The following SLBP variants were observed in gnomAD, a reference collection of about 807,000 sequenced individuals.
SLBP encodes the protein stem-loop histone mRNA binding protein.
Under a neutral mutation model 39.2 loss-of-function variants are expected in SLBP, and 29 were observed. The ratio of observed to expected loss-of-function variants is 0.74; its 90% CI spans 0.55 to 1.01. SLBP has a LOEUF of 1.01. Ranked by LOEUF, SLBP falls within the 50% of genes least tolerant of loss-of-function variation. SLBP has a pLI of 0.00. For missense variants in SLBP, 390 were observed against 350.2 expected (o/e 1.11, Z -0.91); for synonymous variants, 129 against 118.7 (o/e 1.09, Z -0.57).
chr4:1,699,267 T>C (rs902053838), intron 5 of SLBP, among the ~76,000 whole-genome samples: 4 of 152,202 alleles, frequency 2.6e-5, no homozygotes, highest in Non-Finnish European at 5.9e-5. Context: ...TTGAACTTCA[T>C]TTTTCCCCAT....
In SLBP at chr4:1,709,585, T is replaced by C. The variant is rs115582040; in HGVS notation, c.176+2289A>G. 3.2e-3 allele frequency among the ~76,000 whole-genome samples: 485 copies of C among 152,212 alleles called. 4 individuals are homozygous for C. The highest frequency in any genetic ancestry group is 0.011 in the African/African-American group (467 of 41,548). On this transcript the variant is annotated intron_variant, in intron 2 of 7. Transcript: ENST00000489418. Reference sequence around the variant, plus strand: ...TTACGCCTATGACGCCTGCCTCCCTTTCACTGTTTCACCCTGAACATCTAC... The same window carrying C: ...TTACGCCTATGACGCCTGCCTCCCTCTCACTGTTTCACCCTGAACATCTAC...
At position 1,711,880 on chromosome 4, in the gene SLBP, G is replaced by A. The variant is rs1313868566; in HGVS notation, c.170C>T (p.Pro57Leu). ...EAEHRGAERR[P>L]ESFTTPEGPK... ...CCCCGGGTCCCGCGCCCACCTCTCG[G>A]GTCTGCGCTCGGCGCCGCGGTGCTC... The change falls in exon 2 of 8, where the codon CCC becomes CTC. Residue 57 changes from proline to leucine, a missense_variant. Transcript: ENST00000489418. 3 of 1,351,840 alleles carry A rather than the reference G, an allele frequency of 2.2e-6. No individual in the cohort carries two copies. The highest frequency in any genetic ancestry group is 3.1e-5 in the African/African-American group (2 of 65,468). The allele number at this position is 1,351,840 out of a possible 1,614,324, so 83.7% of individuals were successfully genotyped here.
intron 5 of SLBP, among the ~76,000 whole-genome samples, chr4:1,697,084 G>C (rs1468721849): frequency 6.7e-6 from 1 of 149,806 alleles, no homozygotes; most frequent in Non-Finnish European, 1.5e-5. Flanking sequence ...CTTGAACCTG[G>C]GAGGCGATGG....
chr4:1,696,616 G>A, intron 5 of SLBP, among the ~76,000 whole-genome samples: 1 of 151,968 alleles, frequency 6.6e-6, no homozygotes, highest in East Asian at 1.9e-4. Flanking sequence ...AACAGCTAGG[G>A]GCTGGGAGCG....
At chr4:1,696,475 G>T in intron 5 of SLBP, 124 bp from the exon 6 acceptor site, 1 of 785,970 alleles carries the variant, frequency 1.3e-6, no homozygotes. Flanking sequence ...AGGCATGGTG[G>T]CTCATGCCTG....
intron 2 of SLBP, among the ~76,000 whole-genome samples, chr4:1,709,369 C>G (rs1716644393): frequency 1.3e-5 from 2 of 152,228 alleles, no homozygotes; most frequent in Admixed American, 6.5e-5. Flanking sequence ...TAATTGCCAT[C>G]ATGTTCCCAT....
chr4:1,709,317 G>C (rs1577188143), intron 2 of SLBP, among the ~76,000 whole-genome samples: 1 of 152,206 alleles, frequency 6.6e-6, no homozygotes, highest in East Asian at 1.9e-4. Context: ...GGCACAGTAA[G>C]TTGTGAAAAG....
rs755734611 is a variant in SLBP at position 1,696,297 on chromosome 4, A to G, written c.534T>C (p.Tyr178=). The G allele has an allele frequency of 2.8e-5, 45 of 1,601,890 alleles. No individual in the cohort carries two copies. The highest frequency in any genetic ancestry group is 3.7e-5 in the Non-Finnish European group (43 of 1,174,936). Reference sequence around the variant, plus strand: ...TTTGCTGGTCCCATGAACGTCGACTATACTTCTTAAATTTATTAGGGGTCT... The same window carrying G: ...TTTGCTGGTCCCATGAACGTCGACTGTACTTCTTAAATTTATTAGGGGTCT... ...HPKTPNKFKK[Y]SRRSWDQQIK... The change falls in exon 6 of 8, where the codon TAT becomes TAC. Residue 178 remains tyrosine (Y), a synonymous_variant. Transcript: ENST00000489418.
At position 1,703,704 on chromosome 4, in the gene SLBP, C is replaced by A. The variant is rs1716415959; in HGVS notation, c.177-4G>T. 6.3e-7 allele frequency: 1 copy of A among 1,589,662 alleles called. No homozygotes were observed. The highest frequency in any genetic ancestry group is 2.2e-5 in the East Asian group (1 of 44,754). ...AGGGCCTTCAGGAGTGGTAAAGCTG[C>A]AATAAAAGGAAAATGCTACTGAACC... is the stretch of plus-strand genomic sequence containing the variant. On this transcript the variant is annotated splice_polypyrimidine_tract_variant and splice_region_variant and intron_variant, in intron 2 of 7. Coordinates refer to ENST00000489418, the MANE Select transcript of SLBP (RefSeq NM_006527.4).
chr4:1,712,155 G>A lies in SLBP; in HGVS notation c.34C>T (p.Gln12Ter). The A allele has an allele frequency of 8.1e-7, 1 of 1,235,110 alleles. No individual in the cohort carries two copies. Among genetic ancestry groups the A allele is most frequent in the Non-Finnish European group, 1.0e-6 (1 of 991,710 alleles). The allele number at this position is 1,235,110 out of a possible 1,614,324, so 76.5% of individuals were successfully genotyped here. The change falls in exon 1 of 8, where the codon CAG becomes TAG. Residue 12 changes from glutamine to a stop codon, truncating the protein, a stop_gained. Transcript: ENST00000489418. LOFTEE classifies it high-confidence loss of function. The stretch of plus-strand genomic sequence containing the variant: ...CTGGCGTCACCGTCGCAGCGGCTCT[G>A]ATGCCTCGGCGGGCTTCGCGGGCGG... ...ACRPRSPPRHQSRCDGDASPP... is the reference protein window; with the variant it reads ...ACRPRSPPRH
rs569711118 is a variant in SLBP, at chr4:1,709,705, G to A, written c.176+2169C>T. On this transcript the variant is annotated intron_variant, in intron 2 of 7. Coordinates refer to ENST00000489418, the MANE Select transcript of SLBP (RefSeq NM_006527.4). ...CGGCTCATCGCAAGCTCCGCCTCCCGGGTTCACACCATTCTCCTGCCTCAG... is the reference window on the plus strand; with the variant it reads ...CGGCTCATCGCAAGCTCCGCCTCCCAGGTTCACACCATTCTCCTGCCTCAG... Among the ~76,000 whole-genome samples, 9 of 150,752 alleles carry A rather than the reference G, an allele frequency of 6.0e-5. No homozygotes were observed. The East Asian group carries it at 1.2e-3, about 20-fold the overall frequency.
At chr4:1,694,650 C>G in intron 7 of SLBP, 124 bp downstream of exon 7, 2 of 722,986 alleles carry the variant, frequency 2.8e-6, no homozygotes, top group Non-Finnish European at 5.0e-6. Context: ...CTTGGCCTCC[C>G]AAGGTGCTGG....
In SLBP at chr4:1,705,856, C is replaced by T. The variant is rs140761134; in HGVS notation, c.177-2156G>A. 5.1e-3 allele frequency among the ~76,000 whole-genome samples: 777 copies of T among 152,258 alleles called. 5 individuals are homozygous for T. The highest frequency in any genetic ancestry group is 0.017 in the African/African-American group (726 of 41,542). Reference sequence around the variant, plus strand: ...AAATAAATACCCAAGCATGGTGGGGCGTGCCTGTAGTCCCAGCTACACAGG... The same window carrying T: ...AAATAAATACCCAAGCATGGTGGGGTGTGCCTGTAGTCCCAGCTACACAGG... On this transcript the variant is annotated intron_variant, in intron 2 of 7. Transcript: ENST00000489418.
chr4:1,694,570 T>C (rs1716035648), intron 7 of SLBP, among the ~76,000 whole-genome samples: 1 of 151,328 alleles, frequency 6.6e-6, no homozygotes, highest in Non-Finnish European at 1.5e-5. Context: ...ATTTGTATTT[T>C]TGTAGAAACA....
At chr4:1,699,743 G>C in intron 4 of SLBP, 42 bp from the exon 5 acceptor site, 1 of 1,592,382 alleles carries the variant, frequency 6.3e-7, no homozygotes, top group Non-Finnish European at 8.6e-7. Context: ...CTGCAATTAA[G>C]ATCACCATGT....
intron 3 of SLBP, among the ~76,000 whole-genome samples, chr4:1,700,879 T>A (rs1716299453): frequency 6.6e-6 from 1 of 152,130 alleles, no homozygotes; most frequent in African/African-American, 2.4e-5. Context: ...TGCAGGTATC[T>A]AAATTATGTC....
intron 3 of SLBP, 39 bp downstream of exon 3, chr4:1,703,557 G>T: frequency 1.6e-6 from 2 of 1,253,834 alleles, no homozygotes; most frequent in Non-Finnish European, 2.4e-6. Flanking sequence ...TACTGAAAAC[G>T]CCACAGATTA....
At chr4:1,702,145 G>C (rs1446012920) in intron 3 of SLBP, among the ~76,000 whole-genome samples, 3 of 152,204 alleles carry the variant, frequency 2.0e-5, no homozygotes, top group Non-Finnish European at 4.4e-5. Context: ...TAGGCTATCG[G>C]TATGCAAGAA....
intron 4 of SLBP, 137 bp from the exon 5 acceptor site, chr4:1,699,838 G>A (rs895886998): frequency 1.2e-5 from 11 of 882,118 alleles, no homozygotes; most frequent in South Asian, 4.9e-5. Flanking sequence ...TAAATAGTCC[G>A]GAGACTGCAT....
Sources: gnomAD v4.1 joint callset for allele counts (sites outside exome capture counted in the v4.1 genomes callset) on GRCh38, gnomAD v4.1.1 for gene constraint, MANE v1.5 for transcripts, NCBI Gene and HGNC (gene_info 2026-07-23, HGNC 2026-07-21) for gene names.